The following PCDHGA4 variants were observed in gnomAD, a reference collection of about 807,000 sequenced individuals.
PCDHGA4 encodes the protein protocadherin gamma-A4.
A neutral mutation model predicts 54.6 loss-of-function variants in PCDHGA4; 38 were observed. That is an observed-to-expected ratio of 0.70 (90% CI 0.54 to 0.91). The LOEUF is 0.91. Ranked by LOEUF, PCDHGA4 falls within the 40% of genes least tolerant of loss-of-function variation. PCDHGA4 has a pLI of 0.00. For missense variants in PCDHGA4, 1,298 were observed against 1,220.9 expected (o/e 1.06, Z -0.94); for synonymous variants, 511 against 512.9 (o/e 1.00, Z 0.05).
chr5:141,393,447 C>G, intron 1 of PCDHGA4: 1 of 1,614,052 alleles, frequency 6.2e-7, no homozygotes. Flanking sequence ...CCACCTGGTC[C>G]TCACGGCCTC....
intron 2 of PCDHGA4, among the ~76,000 whole-genome samples, chr5:141,495,119 C>T (rs1024197360): frequency 3.9e-5 from 6 of 152,182 alleles, no homozygotes; most frequent in African/African-American, 1.4e-4. Context: ...CTTTTCCTAT[C>T]CCCTGAGGGC....
In PCDHGA4 at chr5:141,357,108, C is replaced by T. The variant is rs1760471015; in HGVS notation, c.2001C>T (p.Asp667=). ...VRTARALLDR[D]ALKQRLVVVV... is the part of the protein sequence containing the mutation. ...CCGCACGGGCCCTGCTGGACAGAGA[C>T]GCGCTCAAGCAGAGGCTTGTAGTGG... The change falls in exon 1 of 4, where the codon GAC becomes GAT. Residue 667 remains aspartate (D), a synonymous_variant. Transcript: ENST00000571252. 15 of 1,613,824 alleles carry T rather than the reference C, an allele frequency of 9.3e-6. No individual in the cohort carries two copies. The highest frequency in any genetic ancestry group is 1.3e-5 in the Non-Finnish European group (15 of 1,179,926).
chr5:141,484,552 G>T (rs2099597743), intron 1 of PCDHGA4, among the ~76,000 whole-genome samples: 1 of 152,138 alleles, frequency 6.6e-6, no homozygotes, highest in African/African-American at 2.4e-5. Context: ...CTAATTAGCA[G>T]TTGCTCCAAT....
chr5:141,392,942 C>T, intron 1 of PCDHGA4: 2 of 1,613,954 alleles, frequency 1.2e-6, no homozygotes, highest in Non-Finnish European at 1.7e-6. Context: ...ACAAAGGCTC[C>T]TTCGTGGGTA....
Position 141,356,972 on chromosome 5 carries a change from T to G in PCDHGA4, c.1865T>G (p.Val622Gly). 6.2e-7 allele frequency: 1 copy of G among 1,614,222 alleles called. No individual in the cohort carries two copies. The highest frequency in any genetic ancestry group is 8.5e-7 in the Non-Finnish European group (1 of 1,180,044). ...SADSGYLVTK[V>G]VAVDRDSGQN... ...GATTCCGGCTACCTGGTGACCAAAG[T>G]GGTGGCAGTGGACAGAGACTCAGGT... Residue 622 changes from valine to glycine, a missense_variant, in exon 1 of 4, where the codon GTG becomes GGG. Physicochemically the swap from Val to Gly is moderately radical, Grantham distance 109 (BLOSUM62 -3). Transcript: ENST00000571252.
At chr5:141,409,712 T>C (rs1049603081) in intron 1 of PCDHGA4, 5 of 1,613,122 alleles carry the variant, frequency 3.1e-6, no homozygotes, top group Non-Finnish European at 4.2e-6. Flanking sequence ...GGTGTCGTCA[T>C]ACGTGTCAGT....
intron 1 of PCDHGA4, chr5:141,394,606 C>T (rs747606142): frequency 3.1e-6 from 5 of 1,613,486 alleles, no homozygotes; most frequent in Admixed American, 1.7e-5. Context: ...GACAGAGACT[C>T]GGGCCAGAAC....
At position 141,423,756 on chromosome 5, in the gene PCDHGA4, G is replaced by GGA. The variant is rs1554116833; in HGVS notation, c.2514+66136_2514+66137insAG. 3 of 448,454 alleles carry GGA rather than the reference G, an allele frequency of 6.7e-6. No individual in the cohort carries two copies. In the African/African-American group the frequency reaches 8.4e-5, roughly 13 times the overall value. The allele number at this position is 448,454 out of a possible 1,614,324, so 27.8% of individuals were successfully genotyped here. A position where few individuals can be genotyped will look rare whatever the true frequency, so the allele number is the denominator to read the frequency against. ...GCCTGTTATGAAAACTGTTTGGGGG[G>GGA]GGGGTGGGGCGGCATATATTTAGTT... On this transcript the variant is annotated intron_variant, in intron 1 of 3. Coordinates refer to ENST00000571252, the MANE Select transcript of PCDHGA4 (RefSeq NM_018917.4).
chr5:141,475,928 G>A, intron 1 of PCDHGA4: 1 of 630,590 alleles, frequency 1.6e-6, no homozygotes, highest in Non-Finnish European at 2.7e-6. Context: ...TGGAGATCGG[G>A]CCCCTGCCCG....
rs1156915249 is a variant in PCDHGA4, at chr5:141,426,840, G to C, written c.2515-67967G>C. 8.8e-6 allele frequency: 4 copies of C among 456,584 alleles called. No individual in the cohort carries two copies. In the East Asian group the frequency reaches 2.8e-4, roughly 32 times the overall value. The allele number at this position is 456,584 out of a possible 1,614,324, so 28.3% of individuals were successfully genotyped here. A position where few individuals can be genotyped will look rare whatever the true frequency, so the allele number is the denominator to read the frequency against. On this transcript the variant is annotated intron_variant, in intron 1 of 3. Transcript: ENST00000571252. Reference sequence around the variant, plus strand: ...CTCTCTGATGATGGACAAGACTAAAGGCAAGAACGCTCCAGAATTAGTGCT... The same window carrying C: ...CTCTCTGATGATGGACAAGACTAAACGCAAGAACGCTCCAGAATTAGTGCT...
At chr5:141,418,455 C>G (rs1287627325) in intron 1 of PCDHGA4, 3 of 1,613,990 alleles carry the variant, frequency 1.9e-6, no homozygotes, top group Non-Finnish European at 2.5e-6. Flanking sequence ...TTGCAGAAGA[C>G]TCTGGACCGA....
Position 141,490,943 on chromosome 5 carries a change from G to A in PCDHGA4, c.2515-3864G>A, listed in dbSNP as rs1035375216. The A allele has an allele frequency of 6.8e-6, 11 of 1,613,470 alleles. No homozygotes were observed. The East Asian group carries it at 1.1e-4, about 16-fold the overall frequency. On this transcript the variant is annotated intron_variant, in intron 1 of 3. Coordinates refer to ENST00000571252, the MANE Select transcript of PCDHGA4 (RefSeq NM_018917.4). This position sits in a 1 kb window ranked among gnomAD's most constrained non-coding sequence, Gnocchi z 5.4. Reference sequence around the variant, plus strand: ...AATGCCCCAGCTGTGCTGCACCCACGGCCAGACTGGGAACACTCAGCCCCC... The same window carrying A: ...AATGCCCCAGCTGTGCTGCACCCACAGCCAGACTGGGAACACTCAGCCCCC...
intron 1 of PCDHGA4, chr5:141,376,336 G>A (rs1433665161): frequency 1.2e-6 from 2 of 1,614,080 alleles, no homozygotes; most frequent in African/African-American, 2.7e-5. Flanking sequence ...CTTTCCTGCA[G>A]ACCTATTCCC....
intron 1 of PCDHGA4, chr5:141,419,779 GC>G: frequency 1.2e-6 from 2 of 1,614,064 alleles, no homozygotes; most frequent in African/African-American, 2.7e-5. Context: ...CGGTCCGCCA[GC>G]GCCTGCTAGT....
intron 1 of PCDHGA4, chr5:141,366,029 C>A (rs766110369): frequency 6.2e-7 from 1 of 1,614,260 alleles, no homozygotes; most frequent in Non-Finnish European, 8.5e-7. Flanking sequence ...GTACCCCGCC[C>A]TCCCCACAGA....
intron 1 of PCDHGA4, chr5:141,388,461 G>C (rs1423485997): frequency 6.2e-7 from 1 of 1,613,762 alleles, no homozygotes; most frequent in Admixed American, 1.7e-5. Context: ...TAAATACCCT[G>C]AGATGGTATT....
chr5:141,490,936 C>T lies in PCDHGA4; in HGVS notation c.2515-3871C>T. 6.2e-7 allele frequency: 1 copy of T among 1,613,694 alleles called. No individual in the cohort carries two copies. On this transcript the variant is annotated intron_variant, in intron 1 of 3. Transcript: ENST00000571252. The surrounding 1 kb of genome is among the most constrained non-coding windows in gnomAD (Gnocchi z 5.4). ...GAATGATAATGCCCCAGCTGTGCTG[C>T]ACCCACGGCCAGACTGGGAACACTC...
Position 141,356,522 on chromosome 5 carries a change from A to C in PCDHGA4, c.1415A>C (p.Gln472Pro). 1 of 1,613,734 alleles carries C rather than the reference A, an allele frequency of 6.2e-7. No homozygotes were observed. Among genetic ancestry groups the C allele is most frequent in the Non-Finnish European group, 8.5e-7 (1 of 1,179,654 alleles). Residue 472 changes from glutamine (Q) to proline (P), a missense_variant, in exon 1 of 4, where the codon CAA becomes CCA. Physicochemically the swap from Gln to Pro is moderately conservative, Grantham distance 76 (BLOSUM62 -1). Coordinates refer to ENST00000571252, the MANE Select transcript of PCDHGA4 (RefSeq NM_018917.4). ...TCTACAGAAACTCATATTTCACTGCAAGTGATGGACATCAATGACAACCCA... is the reference window on the plus strand; with the variant it reads ...TCTACAGAAACTCATATTTCACTGCCAGTGATGGACATCAATGACAACCCA... ...PLSTETHISL[Q>P]VMDINDNPPT...
Position 141,355,294 on chromosome 5 carries a change from C to G in PCDHGA4, c.187C>G (p.Leu63Val). 1 of 1,613,896 alleles carries G rather than the reference C, an allele frequency of 6.2e-7. No individual in the cohort carries two copies. The highest frequency in any genetic ancestry group is 8.5e-7 in the Non-Finnish European group (1 of 1,179,904). The change falls in exon 1 of 4, where the codon CTC (leucine) becomes GTC (valine). Residue 63 changes from leucine to valine, a missense_variant. Coordinates refer to ENST00000571252, the MANE Select transcript of PCDHGA4 (RefSeq NM_018917.4). ...VLVEIRAEQI[L>V]YSVFEEQEEG... ...GGTGGAAATCAGGGCCGAACAGATT[C>G]TCTACTCGGTGTTTGAGGAGCAGGA...
Sources: gnomAD v4.1 joint callset for allele counts (sites outside exome capture counted in the v4.1 genomes callset) on GRCh38, gnomAD v4.1.1 for gene constraint, Gnocchi (gnomAD v3.1) non-coding constraint, MANE v1.5 for transcripts, NCBI Gene and HGNC (gene_info 2026-07-23, HGNC 2026-07-21) for gene names.